BAZ2B: variants seen among roughly 807,000 people sequenced by gnomAD.
BAZ2B encodes the protein bromodomain adjacent to zinc finger domain 2B, also known as bromodomain adjacent to zinc finger domain protein 2B.
Under a neutral mutation model 246.0 loss-of-function variants are expected in BAZ2B, and 91 were observed. The ratio of observed to expected loss-of-function variants is 0.37; its 90% CI spans 0.31 to 0.44. BAZ2B has a LOEUF of 0.44. Ranked by LOEUF, BAZ2B falls within the 20% of genes least tolerant of loss-of-function variation. BAZ2B has a pLI of 1.00. For missense variants in BAZ2B, 2,332 were observed against 2,533.7 expected (o/e 0.92, Z 1.71); for synonymous variants, 855 against 860.0 (o/e 0.99, Z 0.10).
At chr2:159,426,056 T>TA (rs2069782714) in intron 13 of BAZ2B, among the ~76,000 whole-genome samples, 1 of 152,204 alleles carries the variant, frequency 6.6e-6, no homozygotes, top group Non-Finnish European at 1.5e-5. Context: ...CTCTCAAAAT[T>TA]ACGAATGTTT....
At chr2:159,615,081 C>T (rs1695602136) in intron 1 of BAZ2B, among the ~76,000 whole-genome samples, 2 of 152,122 alleles carry the variant, frequency 1.3e-5, no homozygotes, top group Non-Finnish European at 2.9e-5. Flanking sequence ...TTCAACAACT[C>T]GGCCAAGGAC....
intron 1 of BAZ2B, among the ~76,000 whole-genome samples, chr2:159,563,597 C>T (rs1345565425): frequency 1.3e-5 from 2 of 152,048 alleles, no homozygotes; most frequent in African/African-American, 4.8e-5. Context: ...TATGATTCTA[C>T]ACATATGTGG....
At chr2:159,334,759 A>G (rs1483793946) in intron 33 of BAZ2B, among the ~76,000 whole-genome samples, 1 of 152,262 alleles carries the variant, frequency 6.6e-6, no homozygotes, top group African/African-American at 2.4e-5. Context: ...ATTTAAATAT[A>G]TCAATATAAA....
At chr2:159,590,808 A>G (rs1294545854) in intron 1 of BAZ2B, among the ~76,000 whole-genome samples, 3 of 152,180 alleles carry the variant, frequency 2.0e-5, no homozygotes, top group East Asian at 3.8e-4. Context: ...TTCTATTTAC[A>G]GTCTGGACTT....
chr2:159,576,861 C>T (rs538288781), intron 1 of BAZ2B, among the ~76,000 whole-genome samples: 5 of 128,616 alleles, frequency 3.9e-5, no homozygotes, highest in African/African-American at 9.1e-5. Flanking sequence ...TGCGGTGAGC[C>T]GAGATCACGC....
chr2:159,496,435 G>T (rs1298968031), intron 2 of BAZ2B, among the ~76,000 whole-genome samples: 4 of 144,094 alleles, frequency 2.8e-5, no homozygotes, highest in African/African-American at 7.7e-5. Context: ...ACGTGGGAGG[G>T]CCGATTGCAC....
chr2:159,679,971 T>A, the BAZ2B span, among the ~76,000 whole-genome samples: 1 of 152,236 alleles, frequency 6.6e-6, no homozygotes, highest in African/African-American at 2.4e-5. Context: ...ATGAATTTTG[T>A]ATCTCTGGCT....
chr2:159,606,922 A>ATTTTTTT (rs5835752), intron 1 of BAZ2B, among the ~76,000 whole-genome samples: 1 of 139,054 alleles, frequency 7.2e-6, no homozygotes, highest in African/African-American at 2.7e-5. Context: ...TGGGATTTCT[A>ATTTTTTT]TTTTTTTTTT....
the BAZ2B span, chr2:159,693,548 C>T: frequency 6.6e-6 from 1 of 151,678 alleles, no homozygotes; most frequent in East Asian, 1.9e-4. Context: ...CTGAGTCTCC[C>T]AAGTAGCTGC....
At chr2:159,338,556 C>T (rs183780424) in intron 31 of BAZ2B, among the ~76,000 whole-genome samples, 56 of 152,274 alleles carry the variant, frequency 3.7e-4, no homozygotes, top group African/African-American at 1.0e-3. Context: ...ATCAATGATC[C>T]TGTAGCTCAA....
chr2:159,687,437 A>G, the BAZ2B span, among the ~76,000 whole-genome samples: 1 of 152,328 alleles, frequency 6.6e-6, no homozygotes, highest in East Asian at 1.9e-4. Context: ...TCAATCACCA[A>G]TGGACAATGA....
At chr2:159,422,442 A>T (rs2068936941) in intron 13 of BAZ2B, among the ~76,000 whole-genome samples, 1 of 152,216 alleles carries the variant, frequency 6.6e-6, no homozygotes, top group Non-Finnish European at 1.5e-5. Context: ...AAGACTGCAC[A>T]TCCATGACCA....
At position 159,325,810 on chromosome 2, in the gene BAZ2B, C is replaced by G; in HGVS notation, c.6052G>C (p.Asp2018His). 3 of 1,609,636 alleles carry G rather than the reference C, an allele frequency of 1.9e-6. No individual in the cohort carries two copies. Among genetic ancestry groups the G allele is most frequent in the Non-Finnish European group, 2.5e-6 (3 of 1,178,816 alleles). ...AGTGAACTACTTGTAGATGCAGAGT[C>G]TTCATCTTCAGTATCTCCTGTTAAA... ...VTLTGDTEDE[D>H]SASTSSSLKR... is the part of the protein sequence containing the mutation. The change falls in exon 35 of 37, where the codon GAC becomes CAC. Residue 2018 changes from aspartate (D) to histidine (H), a missense_variant. This residue lies in a region of BAZ2B where 210 missense variants were observed against 232.5 expected (regional missense o/e 0.90). Transcript: ENST00000392783.
chr2:159,519,018 A>G (rs1176937137), intron 2 of BAZ2B, among the ~76,000 whole-genome samples: 1 of 152,128 alleles, frequency 6.6e-6, no homozygotes, highest in Non-Finnish European at 1.5e-5. Context: ...TAAAATAACA[A>G]ATTTCACATA....
At chr2:159,434,872 T>A (rs935638934) in intron 8 of BAZ2B, 1 of 152,054 alleles carries the variant, frequency 6.6e-6, no homozygotes. Context: ...CCATAAAATT[T>A]ATGTCTATAA....
chr2:159,516,105 T>TA (rs1220180579), intron 2 of BAZ2B, among the ~76,000 whole-genome samples: 4 of 152,112 alleles, frequency 2.6e-5, no homozygotes, highest in Non-Finnish European at 4.4e-5. Flanking sequence ...TTTTTCATTT[T>TA]AAAAAATCCT....
chr2:159,389,121 CCAACCAAACAAA>C, intron 21 of BAZ2B, among the ~76,000 whole-genome samples: 1 of 151,254 alleles, frequency 6.6e-6, no homozygotes, highest in East Asian at 1.9e-4. Context: ...AACCAACCAA[CCAACCAAACAAA>C]CAAACAAAAA....
intron 31 of BAZ2B, among the ~76,000 whole-genome samples, chr2:159,340,573 T>C (rs999836818): frequency 3.3e-5 from 5 of 151,984 alleles, no homozygotes; most frequent in Admixed American, 1.3e-4. Context: ...TAGACTAACA[T>C]TGGATTTCTC....
the BAZ2B span, among the ~76,000 whole-genome samples, chr2:159,679,153 T>C: frequency 6.6e-5 from 10 of 151,010 alleles, no homozygotes; most frequent in Admixed American, 4.0e-4. Flanking sequence ...GCGCCTGTAG[T>C]CCCAGCTACT....
Sources: gnomAD v4.1 joint callset for allele counts (sites outside exome capture counted in the v4.1 genomes callset) on GRCh38, gnomAD v4.1.1 for gene constraint, gnomAD v4.1.1 regional missense constraint, MANE v1.5 for transcripts, NCBI Gene and HGNC (gene_info 2026-07-23, HGNC 2026-07-21) for gene names.